Variants in KMT5C observed in about 807,000 individuals in gnomAD.
KMT5C encodes lysine methyltransferase 5C.
A neutral mutation model predicts 38.2 loss-of-function variants in KMT5C; 16 were observed. That is an observed-to-expected ratio of 0.42 (90% confidence interval 0.28 to 0.64). KMT5C has a LOEUF of 0.64. Ranked by LOEUF, KMT5C falls within the 30% of genes least tolerant of loss-of-function variation. The pLI, the probability that KMT5C is intolerant of heterozygous loss-of-function variation, is 0.23. For synonymous variants in KMT5C, 291 were observed against 279.0 expected (o/e 1.04, Z -0.43); for missense variants, 598 against 665.1 (o/e 0.90, Z 1.11).
Position 55,342,722 on chromosome 19 carries a change from C to T in KMT5C, c.277-20C>T, listed in dbSNP as rs1485932999. ...GATGCCCCTGCCCCGCCTCCTCACCCCCACCCTCACCCTCACCAGGTCTAT... is the reference window on the plus strand; with the variant it reads ...GATGCCCCTGCCCCGCCTCCTCACCTCCACCCTCACCCTCACCAGGTCTAT... On this transcript the variant is annotated intron_variant, in intron 3 of 8. Transcript: ENST00000255613. 2 of 1,442,952 alleles carry T rather than the reference C, an allele frequency of 1.4e-6. No homozygotes were observed. Among genetic ancestry groups the T allele is most frequent in the Admixed American group, 3.3e-5 (2 of 59,768 alleles). 89.4% of individuals were successfully genotyped at this position (1,442,952 alleles called of 1,614,324 possible).
rs1200614405 is a variant in KMT5C, at chr19:55,347,204, G to A, written c.1144G>A (p.Ala382Thr). The change falls in exon 9 of 9, where the codon GCC becomes ACC. Residue 382 changes from alanine to threonine, a missense_variant. By Grantham distance (58) the Ala-to-Thr change is moderately conservative. Around this residue, in one of 3 missense-constraint regions of KMT5C, gnomAD observed 326 missense variants for 298.1 expected, o/e 1.09. Coordinates refer to ENST00000255613, the MANE Select transcript of KMT5C (RefSeq NM_032701.4). This position sits in a 1 kb window ranked among gnomAD's most constrained non-coding sequence, Gnocchi z 4.6. ...ALVALGQPPH[A>T]RWAPQQDWHW... is the part of the protein sequence containing the mutation. ...GGTGGCCCTGGGCCAGCCCCCCCAC[G>A]CCCGCTGGGCCCCTCAGCAGGACTG... is the stretch of plus-strand genomic sequence containing the variant. 66 of 1,538,730 alleles carry A rather than the reference G, an allele frequency of 4.3e-5. 1 individual carries two copies. Among genetic ancestry groups the A allele is most frequent in the Non-Finnish European group, 4.8e-5 (55 of 1,146,732 alleles).
rs1404072769 is a variant in KMT5C at position 55,343,265 on chromosome 19, T to C, written c.386+414T>C. Reference sequence around the variant, plus strand: ...GCAGTCACTGGTCCCAGCTGGTACATGCTGCAGGGGAGCTGTGAGGAATGA... The same window carrying C: ...GCAGTCACTGGTCCCAGCTGGTACACGCTGCAGGGGAGCTGTGAGGAATGA... On this transcript the variant is annotated intron_variant, in intron 4 of 8. Transcript: ENST00000255613. This position sits in a 1 kb window ranked among gnomAD's most constrained non-coding sequence, Gnocchi z 5.5. 3.2e-6 allele frequency: 1 copy of C among 311,060 alleles called. No homozygotes were observed. Among genetic ancestry groups the C allele is most frequent in the Non-Finnish European group, 6.2e-6 (1 of 162,308 alleles). The allele number at this position is 311,060 out of a possible 1,614,324, so 19.3% of individuals were successfully genotyped here.
rs2123204585 is a variant in KMT5C, at chr19:55,347,291, C to T, written c.1231C>T (p.Pro411Ser). Residue 411 changes from proline to serine, a missense_variant, in exon 9 of 9, where the codon CCA becomes TCA. Pro to Ser is a moderately conservative substitution (Grantham distance 74). Coordinates refer to ENST00000255613, the MANE Select transcript of KMT5C (RefSeq NM_032701.4). The surrounding 1 kb of genome is among the most constrained non-coding windows in gnomAD (Gnocchi z 4.6). ...GCGTGTGGACCTTCGTCGCCTGGCCCCAGCCCCACCAGCTACCCCAGCCCC... is the reference window on the plus strand; with the variant it reads ...GCGTGTGGACCTTCGTCGCCTGGCCTCAGCCCCACCAGCTACCCCAGCCCC... ...VVRVDLRRLA[P>S]APPATPAPAG... The T allele has an allele frequency of 1.3e-6, 2 of 1,565,866 alleles. No individual in the cohort carries two copies. Among genetic ancestry groups the T allele is most frequent in the Non-Finnish European group, 1.7e-6 (2 of 1,158,764 alleles).
rs2089585289 is a variant in KMT5C at position 55,343,620 on chromosome 19, C to T, written c.387-60C>T. 6 of 1,530,230 alleles carry T rather than the reference C, an allele frequency of 3.9e-6. No homozygotes were observed. Among genetic ancestry groups the T allele is most frequent in the South Asian group, 2.4e-5 (2 of 83,578 alleles). The allele number at this position is 1,530,230 out of a possible 1,614,324, so 94.8% of individuals were successfully genotyped here. On this transcript the variant is annotated intron_variant, in intron 4 of 8. Transcript: ENST00000255613. This position sits in a 1 kb window ranked among gnomAD's most constrained non-coding sequence, Gnocchi z 5.5. ...GCCTCTGTGCCGGAGGCCCGAGTCC[C>T]CTGAACACCTGCAGGAGGCCAGGCA...
rs2089582972 is a variant in KMT5C, at chr19:55,343,411, G to A, written c.387-269G>A. 1.6e-5 allele frequency: 8 copies of A among 512,756 alleles called. No individual in the cohort carries two copies. Among genetic ancestry groups the A allele is most frequent in the South Asian group, 1.4e-4 (6 of 42,252 alleles). The allele number at this position is 512,756 out of a possible 1,614,324, so 31.8% of individuals were successfully genotyped here. ...TGGGGGCAGGAGGTGCTATGAGAGCGAGGGGAGAGAATGGGGGCTGTATCT... is the reference window on the plus strand; with the variant it reads ...TGGGGGCAGGAGGTGCTATGAGAGCAAGGGGAGAGAATGGGGGCTGTATCT... On this transcript the variant is annotated intron_variant, in intron 4 of 8. Transcript: ENST00000255613. The surrounding 1 kb of genome is among the most constrained non-coding windows in gnomAD (Gnocchi z 5.5).
chr19:55,343,311 G>A lies in KMT5C; in HGVS notation c.387-369G>A. Reference sequence around the variant, plus strand: ...AATGAGCAAGTGCTCCCAGGGCGAGGCTCACACTGACAGGGGAAGCACCCG... The same window carrying A: ...AATGAGCAAGTGCTCCCAGGGCGAGACTCACACTGACAGGGGAAGCACCCG... On this transcript the variant is annotated intron_variant, in intron 4 of 8. Transcript: ENST00000255613. The surrounding 1 kb of genome is among the most constrained non-coding windows in gnomAD (Gnocchi z 5.5). 1 of 341,764 alleles carries A rather than the reference G, an allele frequency of 2.9e-6. No individual in the cohort carries two copies. The highest frequency in any genetic ancestry group is 3.5e-5 in the South Asian group (1 of 28,392). 21.2% of individuals were successfully genotyped at this position (341,764 alleles called of 1,614,324 possible). A position where few individuals can be genotyped will look rare whatever the true frequency, so the allele number is the denominator to read the frequency against.
intron 2 of KMT5C, 50 bp downstream of exon 2, chr19:55,342,096 C>G (rs2092671624): frequency 6.4e-7 from 1 of 1,562,234 alleles, no homozygotes; most frequent in African/African-American, 1.4e-5. Context: ...GGACCCCTCC[C>G]CTTGCACCGC....
chr19:55,342,234 C>T lies in KMT5C; in HGVS notation c.130C>T (p.Arg44Ter). 1.2e-6 allele frequency: 2 copies of T among 1,610,090 alleles called. No homozygotes were observed. Among genetic ancestry groups the T allele is most frequent in the Non-Finnish European group, 1.7e-6 (2 of 1,178,978 alleles). Residue 44 changes from arginine (R) to a stop codon, truncating the protein, a stop_gained, in exon 3 of 9, where the codon CGA (arginine) becomes TGA (stop). Coordinates refer to ENST00000255613, the MANE Select transcript of KMT5C (RefSeq NM_032701.4). LOFTEE classifies it high-confidence loss of function. Reference protein sequence around the residue: ...MNVSPVPPLRRQQHLRSALET... With the variant: ...MNVSPVPPLR ...CCCCAGCCCTGTGCCCCCCCTGCGG[C>T]GACAGCAGCACCTGCGCTCAGCGCT...
chr19:55,342,722 C>A lies in KMT5C; in HGVS notation c.277-20C>A. The A allele has an allele frequency of 1.4e-6, 2 of 1,443,070 alleles. No homozygotes were observed. The highest frequency in any genetic ancestry group is 2.0e-6 in the Non-Finnish European group (2 of 1,024,414). The allele number at this position is 1,443,070 out of a possible 1,614,324, so 89.4% of individuals were successfully genotyped here. A position where few individuals can be genotyped will look rare whatever the true frequency, so the allele number is the denominator to read the frequency against. On this transcript the variant is annotated intron_variant, in intron 3 of 8. Transcript: ENST00000255613. ...GATGCCCCTGCCCCGCCTCCTCACC[C>A]CCACCCTCACCCTCACCAGGTCTAT... is the stretch of plus-strand genomic sequence containing the variant.
In KMT5C at chr19:55,346,309, G is replaced by T; in HGVS notation, c.667G>T (p.Gly223Cys). 1 of 1,614,060 alleles carries T rather than the reference G, an allele frequency of 6.2e-7. No homozygotes were observed. The highest frequency in any genetic ancestry group is 1.1e-5 in the South Asian group (1 of 91,084). ...ATGCTTCTACGGCGAGGGCTTCTTC[G>T]GCGAGAAGAATGAGCACTGTGAATG... ...VTCFYGEGFF[G>C]EKNEHCECHT... The change falls in exon 7 of 9, where the codon GGC (glycine) becomes TGC (cysteine). Residue 223 changes from glycine (G) to cysteine (C), a missense_variant. Transcript: ENST00000255613.
In KMT5C at chr19:55,342,042, G is replaced by A. The variant is rs774927761; in HGVS notation, c.106G>A (p.Val36Ile). 12 of 1,611,922 alleles carry A rather than the reference G, an allele frequency of 7.4e-6. No individual in the cohort carries two copies. Among genetic ancestry groups the A allele is most frequent in the African/African-American group, 4.0e-5 (3 of 74,872 alleles). The part of the protein sequence containing the change: ...YLGFRTHKMN[V>I]SPVPPLRRQQ... ...CGGTTTCCGCACCCATAAGATGAAC[G>A]TCAGGTGAGGTGGCCTGGGGGCGAG... The change falls in exon 2 of 9, where the codon GTC becomes ATC. Residue 36 changes from valine to isoleucine, a missense_variant. Val to Ile is a conservative substitution (Grantham distance 29). Around this residue, in one of 3 missense-constraint regions of KMT5C, gnomAD observed 167 missense variants for 187.8 expected, o/e 0.89. Coordinates refer to ENST00000255613, the MANE Select transcript of KMT5C (RefSeq NM_032701.4).
chr19:55,342,332 C>A lies in KMT5C; in HGVS notation c.228C>A (p.Arg76=). The part of the protein sequence containing the change: ...RALTLGGWTA[R]YFQSRGPRQE... The stretch of plus-strand genomic sequence containing the variant: ...TGACGCTGGGAGGCTGGACGGCCCG[C>A]TACTTCCAGAGCCGGGGCCCGCGGC... The change falls in exon 3 of 9, where the codon CGC becomes CGA. Residue 76 remains arginine (R), a synonymous_variant. Coordinates refer to ENST00000255613, the MANE Select transcript of KMT5C (RefSeq NM_032701.4). 1 of 1,565,124 alleles carries A rather than the reference C, an allele frequency of 6.4e-7. No homozygotes were observed. Among genetic ancestry groups the A allele is most frequent in the Non-Finnish European group, 8.6e-7 (1 of 1,156,880 alleles).
intron 8 of KMT5C, 51 bp downstream of exon 8, chr19:55,346,738 G>A: frequency 2.1e-6 from 3 of 1,412,174 alleles, no homozygotes; most frequent in South Asian, 1.4e-5. Flanking sequence ...TCTGCTCCTG[G>A]TCATCTGTCT....
At position 55,347,173 on chromosome 19, in the gene KMT5C, G is replaced by A; in HGVS notation, c.1113G>A (p.Glu371=). The A allele has an allele frequency of 1.3e-6, 2 of 1,536,408 alleles. No individual in the cohort carries two copies. Among genetic ancestry groups the A allele is most frequent in the South Asian group, 1.2e-5 (1 of 84,042 alleles). Reference sequence around the variant, plus strand: ...GCCCCCACTGCCGCCTGCGAGGAGAGGCCCTGGTGGCCCTGGGCCAGCCCC... The same window carrying A: ...GCCCCCACTGCCGCCTGCGAGGAGAAGCCCTGGTGGCCCTGGGCCAGCCCC... ...GCGPHCRLRG[E]ALVALGQPPH... is the part of the protein sequence containing the mutation. The change falls in exon 9 of 9, where the codon GAG becomes GAA. Residue 371 remains glutamate, a synonymous_variant. Coordinates refer to ENST00000255613, the MANE Select transcript of KMT5C (RefSeq NM_032701.4). The surrounding 1 kb of genome is among the most constrained non-coding windows in gnomAD (Gnocchi z 4.6).
chr19:55,343,680 G>C lies in KMT5C; in HGVS notation c.387G>C (p.Trp129Cys), dbSNP rs1392290619. The C allele has an allele frequency of 1.3e-6, 2 of 1,553,270 alleles. No homozygotes were observed. The highest frequency in any genetic ancestry group is 2.7e-5 in the African/African-American group (2 of 73,196). Residue 129 changes from tryptophan to cysteine, a missense_variant and splice_region_variant, in exon 5 of 9, where the codon TGG becomes TGC. Trp to Cys is a radical substitution (Grantham distance 215). Transcript: ENST00000255613. The surrounding 1 kb of genome is among the most constrained non-coding windows in gnomAD (Gnocchi z 5.5). The stretch of plus-strand genomic sequence containing the variant: ...GCCCTGCCCCCTGGCCTCTTGGCAG[G>C]AAAAAGAATGAGAAGCTGGAGCTGC... ...NGAKIVSTRA[W>C]KKNEKLELLV...
In KMT5C at chr19:55,341,815, G is replaced by C. The variant is rs2089560328; in HGVS notation, c.-122G>C. 1.4e-6 allele frequency: 1 copy of C among 733,598 alleles called. No homozygotes were observed. The highest frequency in any genetic ancestry group is 2.4e-6 in the Non-Finnish European group (1 of 418,698). 45.4% of individuals were successfully genotyped at this position (733,598 alleles called of 1,614,324 possible). On this transcript the variant is annotated 5_prime_UTR_variant, in exon 2 of 9. Coordinates refer to ENST00000255613, the MANE Select transcript of KMT5C (RefSeq NM_032701.4). ...GCAGATGAGATCGTGGGGCTCACCAGCGTCCCCCATGGCTTCTGAGTAGCG... is the reference window on the plus strand; with the variant it reads ...GCAGATGAGATCGTGGGGCTCACCACCGTCCCCCATGGCTTCTGAGTAGCG...
chr19:55,345,875 G>C (rs924178172), intron 6 of KMT5C, among the ~76,000 whole-genome samples: 2 of 152,194 alleles, frequency 1.3e-5, no homozygotes, highest in African/African-American at 2.4e-5. Flanking sequence ...GGAGGGGATG[G>C]GCTTGGGTGT....
intron 6 of KMT5C, chr19:55,344,894 G>C (rs781658869): frequency 2.1e-6 from 1 of 471,560 alleles, no homozygotes; most frequent in Admixed American, 2.3e-5. Flanking sequence ...AGTCAGAACT[G>C]AGTTGGGGTC....
chr19:55,346,368 C>A lies in KMT5C; in HGVS notation c.707+19C>A. 1 of 1,613,812 alleles carries A rather than the reference C, an allele frequency of 6.2e-7. No homozygotes were observed. Among genetic ancestry groups the A allele is most frequent in the Non-Finnish European group, 8.5e-7 (1 of 1,179,876 alleles). ...GTGAGAGGTGGGACCGGGCGAGAGG[C>A]GGCTGGGTTCGGGTCGTCTGGGCTT... is the stretch of plus-strand genomic sequence containing the variant. On this transcript the variant is annotated intron_variant, in intron 7 of 8. Coordinates refer to ENST00000255613, the MANE Select transcript of KMT5C (RefSeq NM_032701.4).
Sources: gnomAD v4.1 joint callset for allele counts (sites outside exome capture counted in the v4.1 genomes callset) on GRCh38, gnomAD v4.1.1 for gene constraint, gnomAD v4.1.1 regional missense constraint, Gnocchi (gnomAD v3.1) non-coding constraint, MANE v1.5 for transcripts, NCBI Gene and HGNC (gene_info 2026-07-23, HGNC 2026-07-21) for gene names.